Variants in NRXN1 observed in about 807,000 individuals in gnomAD.
NRXN1 encodes neurexin 1.
Under a neutral mutation model 150.9 loss-of-function variants are expected in NRXN1, and 39 were observed. The observed-to-expected ratio is 0.26, with a 90% CI of 0.20 to 0.34. NRXN1 has a LOEUF of 0.34. NRXN1 is among the 10% of genes least tolerant of loss of function. NRXN1 has a pLI of 1.00. For missense variants in NRXN1, 1,815 were observed against 1,949.9 expected (o/e 0.93, Z 1.30); for synonymous variants, 924 against 757.0 (o/e 1.22, Z -3.62).
At chr2:50,775,930 T>G (rs1177328875) in intron 5 of NRXN1, among the ~76,000 whole-genome samples, 3 of 152,110 alleles carry the variant, frequency 2.0e-5, no homozygotes, top group Non-Finnish European at 4.4e-5. Flanking sequence ...TAATTGGGTG[T>G]GGTGTGGTTG....
At chr2:50,016,230 G>C (rs1686568568) in intron 21 of NRXN1, among the ~76,000 whole-genome samples, 1 of 152,072 alleles carries the variant, frequency 6.6e-6, no homozygotes, top group Non-Finnish European at 1.5e-5. Context: ...TAAAATGTAT[G>C]AGTCTCAGGA....
At chr2:50,936,691 A>T (rs1688595467) in intron 2 of NRXN1, among the ~76,000 whole-genome samples, 1 of 152,136 alleles carries the variant, frequency 6.6e-6, no homozygotes, top group South Asian at 2.1e-4. Flanking sequence ...GAAATACTGA[A>T]TAGAAAGTGT....
intron 19 of NRXN1, among the ~76,000 whole-genome samples, chr2:50,072,508 C>G (rs1415611525): frequency 7.0e-6 from 1 of 142,500 alleles, no homozygotes; most frequent in African/African-American, 2.6e-5. Context: ...AATTTTTATC[C>G]TTAGGAACTG....
At position 50,287,432 on chromosome 2, in the gene NRXN1, T is replaced by C. The variant is rs527680266; in HGVS notation, c.3365-50462A>G. On this transcript the variant is annotated intron_variant, in intron 17 of 22. Transcript: ENST00000401669. ...CATTGTTGTCTTCCAAATGTTCATA[T>C]AATTTCCATTTTAATGCTTTTGTTT... is the stretch of plus-strand genomic sequence containing the variant. Among the ~76,000 whole-genome samples the C allele has an allele frequency of 3.0e-4, 45 of 152,300 alleles. 1 individual carries two copies. Among genetic ancestry groups the C allele is most frequent in the South Asian group, 2.1e-3 (10 of 4,828 alleles).
intron 17 of NRXN1, among the ~76,000 whole-genome samples, chr2:50,374,418 T>G (rs1018211222): frequency 6.6e-6 from 1 of 152,030 alleles, no homozygotes; most frequent in Non-Finnish European, 1.5e-5. Flanking sequence ...AATCTGAGAT[T>G]ATAATTAAAT....
chr2:50,205,249 A>C (rs1197648714), intron 18 of NRXN1, among the ~76,000 whole-genome samples: 1 of 152,072 alleles, frequency 6.6e-6, no homozygotes, highest in Non-Finnish European at 1.5e-5. Context: ...TAGTTTTATC[A>C]TCTGAAAAAT....
chr2:50,134,232 G>T (rs1044640126), intron 18 of NRXN1, among the ~76,000 whole-genome samples: 5 of 148,876 alleles, frequency 3.4e-5, no homozygotes, highest in African/African-American at 1.2e-4. Context: ...CAACAAAAAG[G>T]GTGTTGAGGT....
chr2:50,829,258 G>T (rs1022567745), intron 5 of NRXN1, among the ~76,000 whole-genome samples: 5 of 149,408 alleles, frequency 3.3e-5, no homozygotes, highest in African/African-American at 1.2e-4. Context: ...GAGGGAGACC[G>T]TGGGGAGAGG....
chr2:49,990,461 A>G (rs988650503), intron 21 of NRXN1, among the ~76,000 whole-genome samples: 1 of 152,204 alleles, frequency 6.6e-6, no homozygotes, highest in African/African-American at 2.4e-5. Context: ...GAGCAGAATA[A>G]TGACATAATT....
chr2:50,875,932 G>C (rs1307367410), intron 5 of NRXN1, among the ~76,000 whole-genome samples: 1 of 151,790 alleles, frequency 6.6e-6, no homozygotes, highest in Non-Finnish European at 1.5e-5. Context: ...TACAACCAGA[G>C]GACTCAAGTT....
At chr2:50,655,592 G>A (rs1156465005) in intron 5 of NRXN1, among the ~76,000 whole-genome samples, 1 of 151,734 alleles carries the variant, frequency 6.6e-6, no homozygotes, top group Non-Finnish European at 1.5e-5. Context: ...GCTACATCTG[G>A]CATTTTGGTA....
chr2:50,414,819 A>C (rs2083426519), intron 17 of NRXN1, among the ~76,000 whole-genome samples: 1 of 152,134 alleles, frequency 6.6e-6, no homozygotes, highest in African/African-American at 2.4e-5. Context: ...TGTCATATGA[A>C]CGTTCGTAAT....
In NRXN1 at chr2:50,222,517, C is replaced by G. The variant is rs2063975632; in HGVS notation, c.3546+14272G>C. Among the ~76,000 whole-genome samples the G allele has an allele frequency of 3.3e-5, 5 of 151,822 alleles. No homozygotes were observed. In the Admixed American group the frequency reaches 3.3e-4, roughly 10 times the overall value. On this transcript the variant is annotated intron_variant, in intron 18 of 22. Transcript: ENST00000401669. ...CTCAGCAATATATACATTGGTTCGG[C>G]TTGTATGAATTTGTACATAAAAATA...
chr2:50,161,847 AG>A (rs1165872370), intron 18 of NRXN1, among the ~76,000 whole-genome samples: 2 of 152,090 alleles, frequency 1.3e-5, no homozygotes, highest in African/African-American at 4.8e-5. Context: ...GAAGGCAGGA[AG>A]GCAGGCAGGC....
chr2:50,536,625 C>G (rs1189987062), intron 10 of NRXN1, among the ~76,000 whole-genome samples: 2 of 152,156 alleles, frequency 1.3e-5, no homozygotes, highest in African/African-American at 4.8e-5. Context: ...CAAGAGGCAT[C>G]AGAACAACTG....
chr2:49,973,907 T>C, intron 21 of NRXN1: 6 of 688,322 alleles, frequency 8.7e-6, no homozygotes, highest in Middle Eastern at 2.4e-4. Flanking sequence ...TCTGGTATCT[T>C]AAACCCTGCA....
In NRXN1 at chr2:50,719,692, C is replaced by A. The variant is rs555810116; in HGVS notation, c.833-96077G>T. Among the ~76,000 whole-genome samples the A allele has an allele frequency of 4.6e-5, 7 of 152,086 alleles. No homozygotes were observed. The South Asian group carries it at 1.2e-3, about 27-fold the overall frequency. ...CTCTGTCTAAAAAAAACAAAAACAA[C>A]AACAACAACAATAACAACAATCATT... On this transcript the variant is annotated intron_variant, in intron 5 of 22. Transcript: ENST00000401669.
At chr2:50,878,074 G>A (rs1678873132) in intron 5 of NRXN1, among the ~76,000 whole-genome samples, 1 of 151,894 alleles carries the variant, frequency 6.6e-6, no homozygotes, top group Non-Finnish European at 1.5e-5. Flanking sequence ...AAGGTAGGAG[G>A]CAAGTGGCTG....
intron 8 of NRXN1, among the ~76,000 whole-genome samples, chr2:50,564,928 T>C (rs563520631): frequency 2.0e-5 from 3 of 152,296 alleles, no homozygotes; most frequent in South Asian, 4.1e-4. Flanking sequence ...GCTACTGAAT[T>C]TCTCATGGCA....
Sources: allele counts gnomAD v4.1 joint callset (sites outside exome capture counted in the v4.1 genomes callset), GRCh38; gene constraint gnomAD v4.1.1; transcripts MANE v1.5; gene names NCBI Gene and HGNC (gene_info 2026-07-23, HGNC 2026-07-21).